LTBP1: variants seen among roughly 807,000 people sequenced by gnomAD.
LTBP1 encodes latent-transforming growth factor beta-binding protein 1.
A neutral mutation model predicts 207.6 loss-of-function variants in LTBP1; 129 were observed. The ratio of observed to expected loss-of-function variants is 0.62; its 90% confidence interval spans 0.54 to 0.72. LTBP1 has a LOEUF of 0.72. Among genes scored for constraint, LTBP1 ranks in the 30% least tolerant of loss-of-function variants. LTBP1 has a pLI of 0.00. For synonymous variants in LTBP1, 963 were observed against 833.7 expected (o/e 1.16, Z -2.67); for missense variants, 2,281 against 2,217.2 (o/e 1.03, Z -0.58).
chr2:33,088,309 A>G (rs916675359), intron 3 of LTBP1, among the ~76,000 whole-genome samples: 1 of 152,158 alleles, frequency 6.6e-6, no homozygotes, highest in Non-Finnish European at 1.5e-5. Context: ...AAAATTAGCT[A>G]GGCATGGTGG....
At chr2:33,368,515 C>T (rs746430198) in intron 31 of LTBP1, among the ~76,000 whole-genome samples, 2 of 152,200 alleles carry the variant, frequency 1.3e-5, no homozygotes, top group Non-Finnish European at 2.9e-5. Flanking sequence ...TATGCGTCTG[C>T]AGGAATGGCT....
At chr2:33,066,060 C>A (rs528680288) in intron 3 of LTBP1, among the ~76,000 whole-genome samples, 1 of 152,080 alleles carries the variant, frequency 6.6e-6, no homozygotes, top group African/African-American at 2.4e-5. Context: ...TTGTTGAACT[C>A]TTTATATAAT....
intron 24 of LTBP1, among the ~76,000 whole-genome samples, chr2:33,334,778 T>TA (rs1559029388): frequency 1.3e-5 from 2 of 152,018 alleles, no homozygotes; most frequent in Non-Finnish European, 2.9e-5. Flanking sequence ...TTTTACAGAA[T>TA]AATTTAAGTA....
At chr2:33,321,521 A>T (rs2094354340) in intron 24 of LTBP1, among the ~76,000 whole-genome samples, 1 of 152,208 alleles carries the variant, frequency 6.6e-6, no homozygotes. Context: ...GTTTGTTTTC[A>T]CACTTCTAGG....
chr2:33,093,870 G>A (rs1327607411), intron 3 of LTBP1, among the ~76,000 whole-genome samples: 1 of 151,940 alleles, frequency 6.6e-6, no homozygotes, highest in Admixed American at 6.6e-5. Flanking sequence ...GAAATCTCAT[G>A]ATAGCAATAT....
intron 3 of LTBP1, among the ~76,000 whole-genome samples, chr2:33,057,436 GC>G (rs984628325): frequency 1.3e-5 from 2 of 152,242 alleles, no homozygotes; most frequent in Admixed American, 6.5e-5. Context: ...GCACTCCTCA[GC>G]CCTTGGGCAG....
Position 33,217,627 on chromosome 2 carries a change from A to C in LTBP1, c.1777A>C (p.Lys593Gln). ...TGTGGGTACCTCCTGGGGCTTTAAC[A>C]AATGCCAGAAATGCCCCAAGAAACC... ...GTVGTSWGFN[K>Q]CQKCPKKPSY... Residue 593 changes from lysine (K) to glutamine (Q), a missense_variant, in exon 8 of 34, where the codon AAA (lysine) becomes CAA (glutamine). Transcript: ENST00000404816. The C allele has an allele frequency of 6.2e-7, 1 of 1,613,612 alleles. No individual in the cohort carries two copies.
rs574147150 is a variant in LTBP1, at chr2:33,389,377, A to G, written c.4834+71A>G. 1.1e-4 allele frequency: 167 copies of G among 1,590,010 alleles called. 1 individual carries two copies. In the African/African-American group the frequency reaches 1.8e-3, roughly 17 times the overall value. On this transcript the variant is annotated intron_variant, in intron 32 of 33. Transcript: ENST00000404816. ...GATTAATCAGTGGTCCTCAAAATGT[A>G]ATGGCAACTTGTTAGCAATGCAGCA...
chr2:33,235,293 GA>G (rs1247229216), intron 9 of LTBP1, among the ~76,000 whole-genome samples: 1 of 152,016 alleles, frequency 6.6e-6, no homozygotes, highest in African/African-American at 2.4e-5. Flanking sequence ...CAACAAACAT[GA>G]AAAAAAGCTC....
At chr2:33,286,029 T>C (rs2148685889) in intron 19 of LTBP1, 1 of 152,326 alleles carries the variant, frequency 6.6e-6, no homozygotes, top group East Asian at 1.9e-4. Context: ...TGTACTTTAT[T>C]GTCTCTGCTC....
chr2:33,089,155 C>G (rs1477300051), intron 3 of LTBP1, among the ~76,000 whole-genome samples: 7 of 96,400 alleles, frequency 7.3e-5, no homozygotes, highest in African/African-American at 2.6e-4. Context: ...GACTCAGTCT[C>G]AAAAAAAAAA....
At chr2:32,953,901 T>C (rs532982481) in intron 2 of LTBP1, among the ~76,000 whole-genome samples, 1 of 152,332 alleles carries the variant, frequency 6.6e-6, no homozygotes, top group Admixed American at 6.5e-5. Flanking sequence ...CAGAGGCGAC[T>C]TGGAGTGTGA....
intron 3 of LTBP1, among the ~76,000 whole-genome samples, chr2:33,066,908 TA>T (rs1312841809): frequency 6.6e-6 from 1 of 152,188 alleles, no homozygotes; most frequent in Non-Finnish European, 1.5e-5. Context: ...AAGACTCTTC[TA>T]AGCCTTGAGC....
At chr2:32,955,630 A>AT (rs5830247) in intron 2 of LTBP1, among the ~76,000 whole-genome samples, 90,411 of 151,732 alleles carry the variant, frequency 0.6, 27,877 homozygotes, top group Non-Finnish European at 0.66. Flanking sequence ...TTTTCCACAA[A>AT]TTTTTTTTAA....
At chr2:33,038,219 A>C (rs1314107909) in intron 3 of LTBP1, among the ~76,000 whole-genome samples, 1 of 152,226 alleles carries the variant, frequency 6.6e-6, no homozygotes, top group African/African-American at 2.4e-5. Context: ...TTCTCACCTG[A>C]GATTTATGCT....
chr2:33,257,726 T>C (rs996149701), intron 12 of LTBP1, among the ~76,000 whole-genome samples: 6 of 152,258 alleles, frequency 3.9e-5, no homozygotes, highest in Non-Finnish European at 7.3e-5. Flanking sequence ...CAATATTCCA[T>C]GCTAATTTTA....
At chr2:32,996,233 T>C (rs1361881159) in intron 2 of LTBP1, among the ~76,000 whole-genome samples, 1 of 152,164 alleles carries the variant, frequency 6.6e-6, no homozygotes, top group East Asian at 1.9e-4. Context: ...TGCCAGCTGC[T>C]TCAGTGTCTG....
chr2:33,124,700 C>G (rs1253868787), intron 4 of LTBP1, among the ~76,000 whole-genome samples: 2 of 152,182 alleles, frequency 1.3e-5, no homozygotes, highest in African/African-American at 2.4e-5. Context: ...CTGGTTTGAG[C>G]TTTTCTAACA....
At chr2:33,055,227 G>T (rs2076935019) in intron 3 of LTBP1, among the ~76,000 whole-genome samples, 1 of 152,178 alleles carries the variant, frequency 6.6e-6, no homozygotes, top group Non-Finnish European at 1.5e-5. Flanking sequence ...CCTGATATCT[G>T]TGGCTGATTG....
Sources: allele counts gnomAD v4.1 joint callset (sites outside exome capture counted in the v4.1 genomes callset), GRCh38; gene constraint gnomAD v4.1.1; transcripts MANE v1.5; gene names NCBI Gene and HGNC (gene_info 2026-07-23, HGNC 2026-07-21).